Variants in MCTP1 observed in about 807,000 individuals in gnomAD.
MCTP1 encodes the protein multiple C2 and transmembrane domain-containing protein 1.
A neutral mutation model predicts 120.6 loss-of-function variants in MCTP1; 69 were observed. The observed-to-expected ratio is 0.57, with a 90% confidence interval of 0.47 to 0.70. The LOEUF (loss-of-function observed/expected upper bound fraction) is 0.70. Ranked by LOEUF, MCTP1 falls within the 30% of genes least tolerant of loss-of-function variation. The pLI, the probability that MCTP1 is intolerant of heterozygous loss-of-function variation, is 0.00. For missense variants in MCTP1, 1,203 were observed against 1,248.8 expected, an observed-to-expected ratio of 0.96 and a Z score of 0.55; for synonymous variants, 529 against 493.1, an observed-to-expected ratio of 1.07 and a Z score of -0.96.
chr5:95,181,502 C>A (rs1053923364), intron 1 of MCTP1, among the ~76,000 whole-genome samples: 4 of 152,286 alleles, frequency 2.6e-5, no homozygotes, highest in Non-Finnish European at 4.4e-5. Context: ...TAAAAGAGCA[C>A]TTCCTGTTCG....
chr5:95,238,972 A>G (rs1460557067), intron 1 of MCTP1, among the ~76,000 whole-genome samples: 2 of 152,174 alleles, frequency 1.3e-5, no homozygotes, highest in African/African-American at 4.8e-5. Context: ...ACATGTAGCT[A>G]TGACAAATTT....
At chr5:94,906,145 G>A (rs983539523) in intron 10 of MCTP1, among the ~76,000 whole-genome samples, 4 of 152,096 alleles carry the variant, frequency 2.6e-5, no homozygotes, top group African/African-American at 9.7e-5. Flanking sequence ...GAGTAGTTTT[G>A]GTGGCTTGTT....
chr5:95,183,510 A>G (rs1748849590), intron 1 of MCTP1, among the ~76,000 whole-genome samples: 1 of 152,092 alleles, frequency 6.6e-6, no homozygotes. Context: ...TTTTCAAAGG[A>G]TATCAAGAAA....
At chr5:95,251,197 C>T (rs1271134976) in intron 1 of MCTP1, among the ~76,000 whole-genome samples, 2 of 151,976 alleles carry the variant, frequency 1.3e-5, no homozygotes, top group African/African-American at 4.8e-5. Context: ...TTATCTCCCA[C>T]CTGGCAATAG....
At chr5:94,882,631 C>A (rs1433843680) in intron 12 of MCTP1, among the ~76,000 whole-genome samples, 2 of 152,216 alleles carry the variant, frequency 1.3e-5, no homozygotes, top group Middle Eastern at 3.4e-3. Context: ...GCCCTCTGAG[C>A]CAAATCAGCA....
intron 2 of MCTP1, among the ~76,000 whole-genome samples, chr5:94,974,663 T>C (rs1298734375): frequency 6.6e-6 from 1 of 151,948 alleles, no homozygotes; most frequent in African/African-American, 2.4e-5. Flanking sequence ...AAATATTATA[T>C]AAATAAACCT....
chr5:95,117,088 CA>C (rs1757874207), intron 1 of MCTP1, among the ~76,000 whole-genome samples: 1 of 152,020 alleles, frequency 6.6e-6, no homozygotes, highest in South Asian at 2.1e-4. Context: ...CGGACATGAA[CA>C]GACATTTTTC....
chr5:94,854,485 T>C (rs1223716662), intron 17 of MCTP1, among the ~76,000 whole-genome samples: 1 of 151,874 alleles, frequency 6.6e-6, no homozygotes, highest in African/African-American at 2.4e-5. Context: ...TTGACTAGGT[T>C]GGAACTTAGA....
intron 1 of MCTP1, among the ~76,000 whole-genome samples, chr5:95,203,087 CCT>C (rs1562233859): frequency 1.3e-5 from 2 of 152,120 alleles, no homozygotes; most frequent in Non-Finnish European, 2.9e-5. Flanking sequence ...TTGATTATTT[CCT>C]CTGCTTCACC....
chr5:94,975,230 C>T (rs1414845764), intron 2 of MCTP1, among the ~76,000 whole-genome samples: 2 of 151,946 alleles, frequency 1.3e-5, no homozygotes, highest in East Asian at 3.9e-4. Flanking sequence ...AATGTTTATA[C>T]CCCCGCAACT....
intron 1 of MCTP1, among the ~76,000 whole-genome samples, chr5:95,270,728 G>C (rs1759308515): frequency 6.6e-6 from 1 of 152,108 alleles, no homozygotes; most frequent in Admixed American, 6.5e-5. Context: ...TCAGGAGTTC[G>C]AGACCAACCT....
chr5:94,963,610 T>G (rs1824881311), intron 2 of MCTP1, among the ~76,000 whole-genome samples: 1 of 152,098 alleles, frequency 6.6e-6, no homozygotes, highest in South Asian at 2.1e-4. Flanking sequence ...ATGTCCCCTT[T>G]GGAAAAATCT....
intron 19 of MCTP1, among the ~76,000 whole-genome samples, chr5:94,736,824 T>C (rs1188773935): frequency 2.0e-5 from 3 of 152,206 alleles, no homozygotes; most frequent in Non-Finnish European, 4.4e-5. Flanking sequence ...TTTGATTTAC[T>C]GAGATAACAT....
chr5:95,163,983 C>T (rs1333698204), intron 1 of MCTP1, among the ~76,000 whole-genome samples: 2 of 152,136 alleles, frequency 1.3e-5, no homozygotes, highest in African/African-American at 4.8e-5. Flanking sequence ...TGCCAATCAA[C>T]TTTTATTTTC....
intron 1 of MCTP1, among the ~76,000 whole-genome samples, chr5:95,199,456 G>A (rs1750754229): frequency 6.6e-6 from 1 of 152,088 alleles, no homozygotes; most frequent in Non-Finnish European, 1.5e-5. Flanking sequence ...TATACAAATG[G>A]CCAACAGGTG....
intron 1 of MCTP1, among the ~76,000 whole-genome samples, chr5:95,059,603 CA>C (rs1176634023): frequency 6.6e-6 from 1 of 151,232 alleles, no homozygotes; most frequent in Admixed American, 6.6e-5. Flanking sequence ...AGGTCAAATA[CA>C]AAAAAAAGAC....
chr5:94,743,304 TTTCAA>T (rs1765971854), intron 19 of MCTP1, among the ~76,000 whole-genome samples: 2 of 148,080 alleles, frequency 1.4e-5, no homozygotes, highest in Admixed American at 1.4e-4. Flanking sequence ...CAGGCTTATA[TTTCAA>T]TTCAATAAAA....
intron 1 of MCTP1, among the ~76,000 whole-genome samples, chr5:95,033,749 T>A (rs997482206): frequency 4.6e-5 from 7 of 151,832 alleles, no homozygotes; most frequent in African/African-American, 1.7e-4. Context: ...AAACAAAAAG[T>A]ATCCAAGTAG....
chr5:94,882,431 T>C (rs1057328081), intron 12 of MCTP1, among the ~76,000 whole-genome samples: 3 of 152,234 alleles, frequency 2.0e-5, no homozygotes, highest in Non-Finnish European at 4.4e-5. Flanking sequence ...TTTTTTTTTT[T>C]CAAAAAATCT....
Sources: gnomAD v4.1 joint callset for allele counts (sites outside exome capture counted in the v4.1 genomes callset) on GRCh38, gnomAD v4.1.1 for gene constraint, MANE v1.5 for transcripts, NCBI Gene and HGNC (gene_info 2026-07-23, HGNC 2026-07-21) for gene names.